The following CIBAR1 variants were observed in gnomAD, a reference collection of about 807,000 sequenced individuals.
The protein encoded by CIBAR1 is CBY1-interacting BAR domain-containing protein 1.
A neutral mutation model predicts 44.0 loss-of-function variants in CIBAR1; 25 were observed. The observed-to-expected ratio is 0.57, with a 90% confidence interval of 0.41 to 0.79. The LOEUF (loss-of-function observed/expected upper bound fraction) is 0.79, where lower values mean the gene tolerates loss of function less well. Among genes scored for constraint, CIBAR1 ranks in the 30% least tolerant of loss-of-function variants. The pLI, the probability that CIBAR1 is intolerant of heterozygous loss-of-function variation, is 0.00. For missense variants in CIBAR1, 278 were observed against 344.8 expected, an observed-to-expected ratio of 0.81 and a Z score of 1.53; for synonymous variants, 115 against 119.0, an observed-to-expected ratio of 0.97 and a Z score of 0.22.
In CIBAR1 at chr8:93,728,566, G is replaced by A. The variant is rs1303625391; in HGVS notation, c.*269G>A. 3.9e-6 allele frequency: 1 copy of A among 257,212 alleles called. No individual in the cohort carries two copies. The highest frequency in any genetic ancestry group is 7.3e-6 in the Non-Finnish European group (1 of 136,924). 15.9% of individuals were successfully genotyped at this position (257,212 alleles called of 1,614,324 possible). On this transcript the variant is annotated 3_prime_UTR_variant, in exon 9 of 9. Transcript: ENST00000518322. Reference sequence around the variant, plus strand: ...GTATTTCAAAGTATTTCATATTAATGTACTATATCTACTTGAAGTTCCAAT... The same window carrying A: ...GTATTTCAAAGTATTTCATATTAATATACTATATCTACTTGAAGTTCCAAT...
intron 6 of CIBAR1, 128 bp from the exon 7 acceptor site, chr8:93,718,547 T>G (rs765355183): frequency 1.2e-5 from 6 of 489,956 alleles, no homozygotes; most frequent in Non-Finnish European, 2.1e-5. Flanking sequence ...TTGTACTTTA[T>G]TTACCCTATA....
rs757679622 is a variant in CIBAR1, at chr8:93,726,390, A to G, written c.658-4A>G. Reference sequence around the variant, plus strand: ...TTTATAATGCTATTTTATCATTACAATAGGTTTTCCGAAATTCTCTGTATG... The same window carrying G: ...TTTATAATGCTATTTTATCATTACAGTAGGTTTTCCGAAATTCTCTGTATG... On this transcript the variant is annotated splice_polypyrimidine_tract_variant and splice_region_variant and intron_variant, in intron 7 of 8. Transcript: ENST00000518322. 10 of 1,611,428 alleles carry G rather than the reference A, an allele frequency of 6.2e-6. No individual in the cohort carries two copies. The highest frequency in any genetic ancestry group is 2.2e-5 in the East Asian group (1 of 44,824).
At chr8:93,720,398 G>A (rs930459733) in intron 7 of CIBAR1, among the ~76,000 whole-genome samples, 6 of 152,108 alleles carry the variant, frequency 3.9e-5, no homozygotes, top group African/African-American at 1.2e-4. Context: ...AATGAAGAAA[G>A]TACATATTAC....
In CIBAR1 at chr8:93,708,018, TG is replaced by T; in HGVS notation, c.438+5del. 2 of 1,567,900 alleles carry T rather than the reference TG, an allele frequency of 1.3e-6. No individual in the cohort carries two copies. Among genetic ancestry groups the T allele is most frequent in the Non-Finnish European group, 1.7e-6 (2 of 1,161,382 alleles). ...CTTTATGAAAAATTTCAGTCACAGG[TG>T]GGTAATAAAGTGGTGTGTCAAGAAA... is the stretch of plus-strand genomic sequence containing the variant. On this transcript the variant is annotated splice_donor_region_variant and intron_variant, in intron 5 of 8. Transcript: ENST00000518322.
At chr8:93,713,927 T>A (rs912078688) in intron 6 of CIBAR1, among the ~76,000 whole-genome samples, 11 of 152,340 alleles carry the variant, frequency 7.2e-5, no homozygotes, top group South Asian at 4.1e-4. Context: ...CTTCTTTTTT[T>A]AAAATTGATG....
chr8:93,710,733 C>T (rs985892376), intron 6 of CIBAR1, among the ~76,000 whole-genome samples: 10 of 151,314 alleles, frequency 6.6e-5, no homozygotes, highest in African/African-American at 2.4e-4. Flanking sequence ...ACCTGGGAGG[C>T]TGAGGCAGGA....
Position 93,731,186 on chromosome 8 carries a change from T to C in CIBAR1, c.*2889T>C, listed in dbSNP as rs541522557. 2.0e-5 allele frequency: 3 copies of C among 152,296 alleles called. No homozygotes were observed. The highest frequency in any genetic ancestry group is 1.9e-4 in the East Asian group (1 of 5,180). The allele number at this position is 152,296 out of a possible 1,614,324, so 9.4% of individuals were successfully genotyped here. The stretch of plus-strand genomic sequence containing the variant: ...TAAAATAATAAAACTACAAAGCTTA[T>C]GTTTACTCTAGCTGGCCTCTTATCT... On this transcript the variant is annotated 3_prime_UTR_variant, in exon 9 of 9. Transcript: ENST00000518322.
At chr8:93,726,583 TTCCC>T (rs1255347770) in intron 8 of CIBAR1, 70 bp downstream of exon 8, 28 of 1,564,960 alleles carry the variant, frequency 1.8e-5, no homozygotes, top group Non-Finnish European at 2.3e-5. Flanking sequence ...CTAAAAATGT[TTCCC>T]CTCAGTCATA....
At chr8:93,719,607 A>G (rs1288451531) in intron 7 of CIBAR1, 1 of 152,210 alleles carries the variant, frequency 6.6e-6, no homozygotes, top group East Asian at 1.9e-4. Flanking sequence ...ATTCTGACTG[A>G]CTGTGTAATG....
Position 93,729,321 on chromosome 8 carries a change from T to TG in CIBAR1, c.*1025dup, listed in dbSNP as rs1811694183. ...TGAGAATAGTCCTAAGTGACAAAGTTGTTTCAGTACTTTTTTGTAAAATAT... is the reference window on the plus strand; with the variant it reads ...TGAGAATAGTCCTAAGTGACAAAGTTGGTTTCAGTACTTTTTTGTAAAATAT... On this transcript the variant is annotated 3_prime_UTR_variant, in exon 9 of 9. Coordinates refer to ENST00000518322, the MANE Select transcript of CIBAR1 (RefSeq NM_145269.5). The TG allele has an allele frequency of 6.6e-6, 1 of 152,184 alleles. No homozygotes were observed. Among genetic ancestry groups the TG allele is most frequent in the African/African-American group, 2.4e-5 (1 of 41,456 alleles). The allele number at this position is 152,184 out of a possible 1,614,324, so 9.4% of individuals were successfully genotyped here. A position where few individuals can be genotyped will look rare whatever the true frequency, so the allele number is the denominator to read the frequency against.
At chr8:93,716,354 GT>G (rs961897144) in intron 6 of CIBAR1, among the ~76,000 whole-genome samples, 66 of 141,010 alleles carry the variant, frequency 4.7e-4, no homozygotes, top group East Asian at 1.8e-3. Flanking sequence ...TGTGTTTGTT[GT>G]TTTTTTTTTT....
chr8:93,717,544 G>C (rs1045424589), intron 6 of CIBAR1, among the ~76,000 whole-genome samples: 4 of 152,130 alleles, frequency 2.6e-5, no homozygotes. Flanking sequence ...AGCAATCAGA[G>C]CCTCTTAATG....
At chr8:93,702,885 A>C (rs1309078188) in intron 2 of CIBAR1, among the ~76,000 whole-genome samples, 2 of 152,146 alleles carry the variant, frequency 1.3e-5, no homozygotes, top group African/African-American at 4.8e-5. Flanking sequence ...TGAGAAAAAA[A>C]ATTTTAATGT....
intron 6 of CIBAR1, among the ~76,000 whole-genome samples, chr8:93,710,681 A>T (rs997173139): frequency 2.8e-4 from 43 of 152,060 alleles, no homozygotes; most frequent in Admixed American, 2.2e-3. Context: ...TAAAAATACA[A>T]AAATTAGCCA....
intron 7 of CIBAR1, among the ~76,000 whole-genome samples, chr8:93,723,990 G>T (rs915680396): frequency 1.3e-5 from 2 of 152,150 alleles, no homozygotes; most frequent in African/African-American, 4.8e-5. Flanking sequence ...TCAGCATTAC[G>T]GGAGGCTGAA....
At chr8:93,707,249 T>C (rs1810629281) in intron 4 of CIBAR1, 1 of 432,208 alleles carries the variant, frequency 2.3e-6, no homozygotes, top group South Asian at 1.7e-5. Context: ...GAAATCTATA[T>C]TCTCTTTGCT....
At chr8:93,701,140 G>A in intron 1 of CIBAR1, 84 bp from the exon 2 acceptor site, 1 of 1,525,438 alleles carries the variant, frequency 6.6e-7, no homozygotes, top group Non-Finnish European at 8.8e-7. Flanking sequence ...CAGAATGCCC[G>A]GGGAATGTTT....
intron 4 of CIBAR1, chr8:93,707,398 G>A: frequency 4.9e-6 from 1 of 203,670 alleles, no homozygotes; most frequent in African/African-American, 2.4e-5. Context: ...GTTTCCCCAT[G>A]CTTCCCTGAT....
intron 6 of CIBAR1, among the ~76,000 whole-genome samples, chr8:93,712,561 G>T (rs1162444676): frequency 6.6e-6 from 1 of 152,138 alleles, no homozygotes; most frequent in Non-Finnish European, 1.5e-5. Context: ...ATATACCCAG[G>T]AGTGGAATTG....
Sources: gnomAD v4.1 joint callset for allele counts (sites outside exome capture counted in the v4.1 genomes callset) on GRCh38, gnomAD v4.1.1 for gene constraint, MANE v1.5 for transcripts, NCBI Gene and HGNC (gene_info 2026-07-23, HGNC 2026-07-21) for gene names.